Variants in CPS1 observed in about 807,000 individuals in gnomAD.
CPS1 encodes the protein carbamoyl-phosphate synthase [ammonia], mitochondrial.
CPS1 carries 109 observed loss-of-function variants against 174.6 expected under a neutral mutation model. That is an observed-to-expected ratio of 0.62 (90% CI 0.53 to 0.73). CPS1 has a LOEUF of 0.73. CPS1 is among the 30% of genes least tolerant of loss of function. The pLI is 0.00. For missense variants in CPS1, 1,689 were observed against 1,821.9 expected (o/e 0.93, Z 1.33); for synonymous variants, 637 against 632.0 (o/e 1.01, Z -0.12).
chr2:210,607,660 G>A (rs1164837322), intron 18 of CPS1, among the ~76,000 whole-genome samples: 2 of 151,836 alleles, frequency 1.3e-5, no homozygotes, highest in Admixed American at 1.3e-4. Context: ...TTCTCACTTG[G>A]TTCTTCTGTT....
intron 24 of CPS1, among the ~76,000 whole-genome samples, chr2:210,640,289 C>T (rs1700180378): frequency 6.6e-6 from 1 of 152,162 alleles, no homozygotes; most frequent in Non-Finnish European, 1.5e-5. Context: ...CCTCTCATTT[C>T]ACTGTGTAAC....
At chr2:210,542,313 C>G (rs1320020838) in intron 1 of CPS1, among the ~76,000 whole-genome samples, 1 of 152,074 alleles carries the variant, frequency 6.6e-6, no homozygotes, top group Admixed American at 6.6e-5. Context: ...GAGCCCAAGA[C>G]TACTGGCTTT....
chr2:210,569,997 C>T (rs1697424091), intron 1 of CPS1, among the ~76,000 whole-genome samples: 1 of 151,674 alleles, frequency 6.6e-6, no homozygotes, highest in African/African-American at 2.4e-5. Context: ...TTCTTTTATA[C>T]TCCTTGGAAT....
Position 210,650,344 on chromosome 2 carries a change from T to C in CPS1, c.3405-19T>C, listed in dbSNP as rs771189677. ...ATTAGCATAAACCTGACCTGCTTTT[T>C]TTCCCCTTCCTTTTCCAGTGGGTCT... On this transcript the variant is annotated intron_variant, in intron 27 of 37. Transcript: ENST00000233072. 8.9e-5 allele frequency: 143 copies of C among 1,609,508 alleles called. 1 individual carries two copies. The South Asian group carries it at 1.5e-3, about 17-fold the overall frequency.
intron 1 of CPS1, among the ~76,000 whole-genome samples, chr2:210,514,215 T>TA (rs1695610598): frequency 6.6e-6 from 1 of 152,060 alleles, no homozygotes; most frequent in South Asian, 2.1e-4. Flanking sequence ...TCTAGTTCTG[T>TA]AAAAAATGAC....
At chr2:210,477,792 A>G in intron 1 of CPS1, 3 of 1,612,984 alleles carry the variant, frequency 1.9e-6, no homozygotes, top group Non-Finnish European at 1.7e-6. Context: ...GATATCTCTC[A>G]TGTTTTAAAA....
intron 33 of CPS1, among the ~76,000 whole-genome samples, chr2:210,667,112 G>A (rs1347190170): frequency 1.3e-5 from 2 of 151,942 alleles, no homozygotes; most frequent in Non-Finnish European, 2.9e-5. Context: ...GTTCCCTCAT[G>A]ATTTGGCTCT....
intron 1 of CPS1, among the ~76,000 whole-genome samples, chr2:210,536,359 C>T (rs1251509589): frequency 2.9e-5 from 4 of 136,718 alleles, no homozygotes; most frequent in African/African-American, 1.1e-4. Flanking sequence ...CTGGCTCTGT[C>T]GCCCAGGATG....
chr2:210,575,857 A>T (rs1288522082), intron 2 of CPS1, among the ~76,000 whole-genome samples: 1 of 152,092 alleles, frequency 6.6e-6, no homozygotes, highest in Non-Finnish European at 1.5e-5. Context: ...ACCACCACTA[A>T]CACAATCAGG....
At chr2:210,659,811 C>T (rs1700855901) in intron 31 of CPS1, among the ~76,000 whole-genome samples, 2 of 152,132 alleles carry the variant, frequency 1.3e-5, no homozygotes, top group Non-Finnish European at 1.5e-5. Context: ...GCAGAGAGAA[C>T]GTATTTGCCA....
rs1699364241 is a variant in CPS1 at position 210,617,856 on chromosome 2, TCTGTTCTA to T, written c.2687+1323_2687+1330del. 2.0e-5 allele frequency: 3 copies of T among 152,194 alleles called. No homozygotes were observed. The South Asian group carries it at 6.2e-4, about 32-fold the overall frequency. The allele number at this position is 152,194 out of a possible 1,614,324, so 9.4% of individuals were successfully genotyped here. A position where few individuals can be genotyped will look rare whatever the true frequency, so the allele number is the denominator to read the frequency against. On this transcript the variant is annotated intron_variant, in intron 21 of 37. Coordinates refer to ENST00000233072, the MANE Select transcript of CPS1 (RefSeq NM_001875.5). ...GCAGAACTTCTGTGTAAAATTATAG[TCTGTTCTA>T]CTGTTCTCAGTTTCAGGCAACTGAT...
At position 210,590,246 on chromosome 2, in the gene CPS1, C is replaced by G; in HGVS notation, c.840+12C>G. ...AGAATGTCAGAAAGGTGCAATGAAC[C>G]TTGAATTCATGTGTATCTGTGTGGG... On this transcript the variant is annotated intron_variant, in intron 8 of 37. Coordinates refer to ENST00000233072, the MANE Select transcript of CPS1 (RefSeq NM_001875.5). The G allele has an allele frequency of 6.2e-7, 1 of 1,612,410 alleles. No homozygotes were observed. The highest frequency in any genetic ancestry group is 8.5e-7 in the Non-Finnish European group (1 of 1,178,866).
At chr2:210,661,664 A>G (rs777683002) in intron 32 of CPS1, among the ~76,000 whole-genome samples, 40 of 152,094 alleles carry the variant, frequency 2.6e-4, no homozygotes, top group Admixed American at 2.6e-4. Context: ...GAGAGGTGGC[A>G]TTTTATTCAT....
chr2:210,675,674 T>C, intron 35 of CPS1, 54 bp from the exon 36 acceptor site: 1 of 879,874 alleles, frequency 1.1e-6, no homozygotes, highest in Non-Finnish European at 2.0e-6. Context: ...ACATGTTCCA[T>C]AAAAATAAGA....
In CPS1 at chr2:210,593,599, C is replaced by G. The variant is rs557642056; in HGVS notation, c.1164+643C>G. ...GGTGATATCCAGAAAAATCTGAAGT[C>G]TATTGTGACTTCCCCACACCCAGGG... is the stretch of plus-strand genomic sequence containing the variant. On this transcript the variant is annotated intron_variant, in intron 11 of 37. Coordinates refer to ENST00000233072, the MANE Select transcript of CPS1 (RefSeq NM_001875.5). 2.1e-5 allele frequency: 21 copies of G among 985,492 alleles called. No homozygotes were observed. The South Asian group carries it at 7.5e-4, about 35-fold the overall frequency. 61.0% of individuals were successfully genotyped at this position (985,492 alleles called of 1,614,324 possible). A position where few individuals can be genotyped will look rare whatever the true frequency, so the allele number is the denominator to read the frequency against.
chr2:210,638,056 AAAGAT>A (rs1407254419), intron 22 of CPS1, among the ~76,000 whole-genome samples: 2 of 152,248 alleles, frequency 1.3e-5, no homozygotes, highest in African/African-American at 4.8e-5. Context: ...ACTAGGATGT[AAAGAT>A]AAGAGTGAGT....
chr2:210,563,810 C>T (rs1445465360), intron 1 of CPS1, among the ~76,000 whole-genome samples: 5 of 152,154 alleles, frequency 3.3e-5, no homozygotes, highest in Admixed American at 3.3e-4. Context: ...CTTCCTAAGA[C>T]TAAGCCCTCT....
chr2:210,571,681 G>A, intron 1 of CPS1, among the ~76,000 whole-genome samples: 1 of 151,900 alleles, frequency 6.6e-6, no homozygotes, highest in Non-Finnish European at 1.5e-5. Context: ...CAAGAGACTT[G>A]GGTGCTTTGG....
At chr2:210,596,439 T>C (rs376974857) in intron 13 of CPS1, among the ~76,000 whole-genome samples, 1 of 151,806 alleles carries the variant, frequency 6.6e-6, no homozygotes, top group African/African-American at 2.4e-5. Context: ...CTGGGAAAAA[T>C]AGTTGGCCAA....
Sources: gnomAD v4.1 joint callset for allele counts (sites outside exome capture counted in the v4.1 genomes callset) on GRCh38, gnomAD v4.1.1 for gene constraint, MANE v1.5 for transcripts, NCBI Gene and HGNC (gene_info 2026-07-23, HGNC 2026-07-21) for gene names.